ADAM22: variants seen among roughly 807,000 people sequenced by gnomAD.
The protein encoded by ADAM22 is ADAM metallopeptidase domain 22.
In ADAM22, 65 loss-of-function variants were observed where a neutral mutation model predicts 144.6. The observed-to-expected ratio is 0.45, with a 90% confidence interval of 0.37 to 0.55. The LOEUF (loss-of-function observed/expected upper bound fraction) is 0.55, where lower values mean the gene tolerates loss of function less well. ADAM22 is among the 20% of genes least tolerant of loss of function. The pLI, the probability that ADAM22 is intolerant of heterozygous loss-of-function variation, is 0.00. For synonymous variants in ADAM22, 391 were observed against 412.6 expected (o/e 0.95, Z 0.63); for missense variants, 974 against 1,184.9 (o/e 0.82, Z 2.61).
At position 88,116,796 on chromosome 7, in the gene ADAM22, T is replaced by C. The variant is rs182814929; in HGVS notation, c.589T>C (p.Leu197=). Reference sequence around the variant, plus strand: ...CAAATCCAGACTGTTTGAATTTTCCTTGGATGATCTTCCATCTGGTATGAT... The same window carrying C: ...CAAATCCAGACTGTTTGAATTTTCCCTGGATGATCTTCCATCTGGTATGAT... ...VYKSRLFEFS[L]DDLPSEFQQV... is the part of the protein sequence containing the mutation. The change falls in exon 7 of 32, where the codon TTG becomes CTG. Residue 197 remains leucine, a synonymous_variant. Transcript: ENST00000413139. The C allele has an allele frequency of 7.4e-5, 119 of 1,612,918 alleles. No individual in the cohort carries two copies. The African/African-American group carries it at 1.4e-3, about 19-fold the overall frequency.
chr7:88,004,324 GA>G (rs773198578), intron 3 of ADAM22, among the ~76,000 whole-genome samples: 6 of 152,148 alleles, frequency 3.9e-5, no homozygotes, highest in Admixed American at 1.3e-4. Context: ...GCATCTTTTG[GA>G]CCATAGTTAG....
chr7:88,047,441 C>T (rs1804966924), intron 3 of ADAM22, among the ~76,000 whole-genome samples: 1 of 152,132 alleles, frequency 6.6e-6, no homozygotes, highest in African/African-American at 2.4e-5. Context: ...TGTGTGTCTA[C>T]TGTCAGTTCT....
chr7:88,158,880 C>T (rs1449398484), intron 22 of ADAM22, among the ~76,000 whole-genome samples: 3 of 151,958 alleles, frequency 2.0e-5, no homozygotes, highest in Non-Finnish European at 2.9e-5. Flanking sequence ...AACCCCAAAG[C>T]TAGCAGAAGA....
chr7:88,196,453 C>T lies in ADAM22; in HGVS notation c.2875-18C>T. On this transcript the variant is annotated intron_variant, in intron 31 of 31. Transcript: ENST00000413139. ...CCTGCTTTCACAATGTGCAATTTTGCTCTTTTCTGTTGTGCAGCTATGGGA... is the reference window on the plus strand; with the variant it reads ...CCTGCTTTCACAATGTGCAATTTTGTTCTTTTCTGTTGTGCAGCTATGGGA... The T allele has an allele frequency of 6.2e-7, 1 of 1,614,002 alleles. No individual in the cohort carries two copies.
chr7:88,081,019 C>G (rs1456100808), intron 4 of ADAM22, among the ~76,000 whole-genome samples: 2 of 152,134 alleles, frequency 1.3e-5, no homozygotes, highest in Admixed American at 6.6e-5. Flanking sequence ...GATACCAAAG[C>G]CTGGCAGAGA....
chr7:88,097,318 A>G (rs1821652045), intron 4 of ADAM22, among the ~76,000 whole-genome samples: 1 of 151,398 alleles, frequency 6.6e-6, no homozygotes, highest in African/African-American at 2.4e-5. Context: ...TGCCCGGCTA[A>G]TTTTTGTATT....
intron 2 of ADAM22, among the ~76,000 whole-genome samples, chr7:87,959,018 GGTCT>G (rs967378731): frequency 6.6e-6 from 1 of 151,198 alleles, no homozygotes; most frequent in Admixed American, 6.6e-5. Context: ...AATGATTCTT[GGTCT>G]GTCTGTGTAT....
At chr7:88,175,185 G>A (rs1214560382) in intron 26 of ADAM22, among the ~76,000 whole-genome samples, 1 of 152,134 alleles carries the variant, frequency 6.6e-6, no homozygotes, top group African/African-American at 2.4e-5. Flanking sequence ...AGGTTTTGGG[G>A]TGATCAAGAA....
Position 87,934,279 on chromosome 7 carries a change from C to T in ADAM22, c.-187C>T. 1.9e-6 allele frequency: 1 copy of T among 522,176 alleles called. No homozygotes were observed. Among genetic ancestry groups the T allele is most frequent in the Non-Finnish European group, 3.3e-6 (1 of 303,996 alleles). The allele number at this position is 522,176 out of a possible 1,614,324, so 32.3% of individuals were successfully genotyped here. On this transcript the variant is annotated 5_prime_UTR_variant, in exon 1 of 32. Coordinates refer to ENST00000413139, the MANE Select transcript of ADAM22 (RefSeq NM_001324418.2). ...CGCTCGCTCCCCCCGCCAGCGGAAG[C>T]GTCCGCGAAGCACAATGCAGCACTG...
intron 4 of ADAM22, among the ~76,000 whole-genome samples, chr7:88,077,408 C>T (rs544725408): frequency 6.6e-6 from 1 of 152,296 alleles, no homozygotes; most frequent in East Asian, 1.9e-4. Flanking sequence ...CTACAGCTCC[C>T]AGCGTGAGCG....
intron 8 of ADAM22, among the ~76,000 whole-genome samples, chr7:88,126,408 A>G (rs1418435865): frequency 6.6e-6 from 1 of 152,060 alleles, no homozygotes; most frequent in African/African-American, 2.4e-5. Context: ...TAAGATCAAG[A>G]AGTTGAAGGA....
At chr7:87,980,933 G>T (rs2129449273) in intron 3 of ADAM22, among the ~76,000 whole-genome samples, 1 of 152,192 alleles carries the variant, frequency 6.6e-6, no homozygotes, top group Middle Eastern at 3.4e-3. Context: ...GGCTGCATTG[G>T]ACCTTTCCAG....
At chr7:88,160,132 C>A (rs1044987385) in intron 22 of ADAM22, among the ~76,000 whole-genome samples, 1 of 152,054 alleles carries the variant, frequency 6.6e-6, no homozygotes, top group African/African-American at 2.4e-5. Flanking sequence ...AGGGTCAAAT[C>A]AGGAATGCAA....
chr7:88,023,054 G>C (rs974608526), intron 3 of ADAM22, among the ~76,000 whole-genome samples: 1 of 152,066 alleles, frequency 6.6e-6, no homozygotes, highest in Non-Finnish European at 1.5e-5. Flanking sequence ...ATAAGTATCT[G>C]AAACCTGACT....
intron 3 of ADAM22, among the ~76,000 whole-genome samples, chr7:88,073,904 C>T (rs1236577253): frequency 1.3e-5 from 2 of 152,210 alleles, no homozygotes; most frequent in African/African-American, 4.8e-5. Context: ...GCCTCACAAA[C>T]AGTCATGAGT....
chr7:88,041,025 A>G (rs1298103049), intron 3 of ADAM22, among the ~76,000 whole-genome samples: 1 of 151,930 alleles, frequency 6.6e-6, no homozygotes, highest in African/African-American at 2.4e-5. Context: ...CTAGCAGGAG[A>G]GCTTTTGCTA....
intron 30 of ADAM22, among the ~76,000 whole-genome samples, chr7:88,189,084 G>C (rs951905379): frequency 6.6e-6 from 1 of 152,176 alleles, no homozygotes; most frequent in Non-Finnish European, 1.5e-5. Flanking sequence ...AGAGAGCAAG[G>C]CAAATGCCTA....
chr7:87,941,814 A>G (rs572580219), intron 2 of ADAM22, among the ~76,000 whole-genome samples: 1 of 152,326 alleles, frequency 6.6e-6, no homozygotes, highest in South Asian at 2.1e-4. Flanking sequence ...TCACTTCTGT[A>G]TAGCTACACA....
At chr7:87,986,349 GGCAGCTTTTGGCT>G (rs1430424081) in intron 3 of ADAM22, among the ~76,000 whole-genome samples, 1 of 152,124 alleles carries the variant, frequency 6.6e-6, no homozygotes, top group African/African-American at 2.4e-5. Context: ...TTGTTAGAGG[GGCAGCTTTTGGCT>G]GCAAAGTCCA....
Sources: allele counts gnomAD v4.1 joint callset (sites outside exome capture counted in the v4.1 genomes callset), GRCh38; gene constraint gnomAD v4.1.1; transcripts MANE v1.5; gene names NCBI Gene and HGNC (gene_info 2026-07-23, HGNC 2026-07-21).